The following NRG1 variants were observed in gnomAD, a reference collection of about 807,000 sequenced individuals.
The protein encoded by NRG1 is neuregulin 1.
NRG1 carries 18 observed loss-of-function variants against 63.8 expected under a neutral mutation model. The observed-to-expected ratio is 0.28, with a 90% CI of 0.19 to 0.42. The LOEUF (loss-of-function observed/expected upper bound fraction) is 0.42, where lower values mean the gene tolerates loss of function less well. Ranked by LOEUF, NRG1 falls within the 10% of genes least tolerant of loss-of-function variation. NRG1 has a pLI of 1.00. For missense variants in NRG1, 762 were observed against 814.7 expected, an observed-to-expected ratio of 0.94 and a Z score of 0.79; for synonymous variants, 302 against 301.3, an observed-to-expected ratio of 1.00 and a Z score of -0.02.
chr8:32,030,784 G>C (rs1227995414), intron 1 of NRG1, among the ~76,000 whole-genome samples: 1 of 152,150 alleles, frequency 6.6e-6, no homozygotes, highest in Non-Finnish European at 1.5e-5. Context: ...TTTCAGATTA[G>C]AAGCATGGAG....
At chr8:31,951,749 C>A (rs1039209230) in intron 1 of NRG1, among the ~76,000 whole-genome samples, 1 of 152,084 alleles carries the variant, frequency 6.6e-6, no homozygotes, top group Non-Finnish European at 1.5e-5. Flanking sequence ...GTTTTCCTTG[C>A]CATCGAAGTT....
rs548836642 is a variant in NRG1, at chr8:32,410,937, G to A, written c.38-184891G>A. Among the ~76,000 whole-genome samples the A allele has an allele frequency of 1.3e-3, 194 of 150,278 alleles. 1 individual carries two copies. Among genetic ancestry groups the A allele is most frequent in the African/African-American group, 1.7e-3 (70 of 40,784 alleles). ...TGTTGCCAGGCTGGAGTGCAGTGGC[G>A]CAATCTCGGTTCACTGCAACCTCCA... On this transcript the variant is annotated intron_variant, in intron 1 of 10. Coordinates refer to the NRG1 transcript ENST00000519301.
At chr8:32,643,622 C>A (rs189332657) in intron 5 of NRG1, among the ~76,000 whole-genome samples, 1 of 152,112 alleles carries the variant, frequency 6.6e-6, no homozygotes. Flanking sequence ...AATAAAATGG[C>A]GGTTGTTGTA....
At chr8:32,739,309 G>A (rs564693526) in intron 6 of NRG1, among the ~76,000 whole-genome samples, 117 of 152,096 alleles carry the variant, frequency 7.7e-4, no homozygotes, top group Middle Eastern at 3.4e-3. Context: ...TGTGGCCTGC[G>A]TTTACACTAG....
intron 1 of NRG1, among the ~76,000 whole-genome samples, chr8:32,452,001 A>G (rs780650963): frequency 4.0e-5 from 6 of 151,868 alleles, no homozygotes; most frequent in Non-Finnish European, 8.8e-5. Flanking sequence ...ACTTTTTTGT[A>G]TTTTTTGGTA....
chr8:32,366,673 G>GTATATATATA (rs1270263657), intron 1 of NRG1, among the ~76,000 whole-genome samples: 13 of 42,966 alleles, frequency 3.0e-4, no homozygotes, highest in South Asian at 9.3e-4. Flanking sequence ...GTGTGTGTGT[G>GTATATATATA]TGTGTATATA....
At chr8:31,958,657 G>A (rs996083386) in intron 1 of NRG1, among the ~76,000 whole-genome samples, 1 of 152,190 alleles carries the variant, frequency 6.6e-6, no homozygotes, top group Admixed American at 6.5e-5. Context: ...AGAAGTCTTT[G>A]CAGAAGAGGG....
intron 1 of NRG1, among the ~76,000 whole-genome samples, chr8:32,316,046 T>C (rs1441001056): frequency 1.3e-5 from 2 of 149,498 alleles, no homozygotes; most frequent in Non-Finnish European, 2.9e-5. Flanking sequence ...AAATACATGA[T>C]ATCTGAGGAC....
At chr8:31,944,525 A>G (rs1019144734) in intron 1 of NRG1, among the ~76,000 whole-genome samples, 3 of 152,224 alleles carry the variant, frequency 2.0e-5, no homozygotes, top group Admixed American at 6.5e-5. Context: ...ACTCTGTCTC[A>G]TAACTTCTTT....
intron 1 of NRG1, among the ~76,000 whole-genome samples, chr8:32,423,728 C>G (rs896055081): frequency 6.6e-6 from 1 of 152,200 alleles, no homozygotes; most frequent in East Asian, 1.9e-4. Context: ...AACCCACATA[C>G]ACACAGACAC....
chr8:31,660,388 G>A (rs1311996891), intron 1 of NRG1, among the ~76,000 whole-genome samples: 1 of 152,178 alleles, frequency 6.6e-6, no homozygotes, highest in African/African-American at 2.4e-5. Flanking sequence ...GAAATCTCTA[G>A]GGAAGATACT....
intron 1 of NRG1, among the ~76,000 whole-genome samples, chr8:31,690,007 G>A (rs1218155466): frequency 1.3e-5 from 2 of 152,178 alleles, no homozygotes; most frequent in East Asian, 1.9e-4. Flanking sequence ...CCCACGTGTC[G>A]TGGGAGGGAC....
chr8:32,052,731 C>A (rs887570797), intron 1 of NRG1, among the ~76,000 whole-genome samples: 1 of 152,100 alleles, frequency 6.6e-6, no homozygotes, highest in African/African-American at 2.4e-5. Context: ...AGAGTGCTAG[C>A]TGTAATGGGT....
intron 2 of NRG1, among the ~76,000 whole-genome samples, chr8:32,604,192 C>T (rs1458903190): frequency 6.6e-6 from 1 of 152,000 alleles, no homozygotes; most frequent in Non-Finnish European, 1.5e-5. Context: ...CCTGACATGG[C>T]CCTGGAAGGT....
chr8:31,706,125 T>C (rs1178174460), intron 1 of NRG1, among the ~76,000 whole-genome samples: 1 of 152,208 alleles, frequency 6.6e-6, no homozygotes, highest in Non-Finnish European at 1.5e-5. Flanking sequence ...AATGAGTACA[T>C]AGTAAGAGAT....
chr8:32,317,442 GGAA>G (rs1025802312), intron 1 of NRG1, among the ~76,000 whole-genome samples: 4 of 152,162 alleles, frequency 2.6e-5, no homozygotes, highest in Non-Finnish European at 5.9e-5. Flanking sequence ...ACAAAGCCGA[GGAA>G]GAAGAATTTT....
At position 32,242,188 on chromosome 8, in the gene NRG1, C is replaced by T. The variant is rs147994471; in HGVS notation, c.38-353640C>T. 1.5e-4 allele frequency among the ~76,000 whole-genome samples: 23 copies of T among 152,164 alleles called. No individual in the cohort carries two copies. The East Asian group carries it at 2.1e-3, about 14-fold the overall frequency. On this transcript the variant is annotated intron_variant, in intron 1 of 10. Transcript: ENST00000519301. Reference sequence around the variant, plus strand: ...TTTATTGGGAGAATTAATAAGAACACGCCTAGGCCAGGCACAATGGCTCAT... The same window carrying T: ...TTTATTGGGAGAATTAATAAGAACATGCCTAGGCCAGGCACAATGGCTCAT...
chr8:31,867,198 G>A (rs1829038233), intron 1 of NRG1, among the ~76,000 whole-genome samples: 1 of 152,252 alleles, frequency 6.6e-6, no homozygotes, highest in African/African-American at 2.4e-5. Flanking sequence ...CTGCCTGGGG[G>A]AAAAGATTGC....
At chr8:32,476,641 A>C (rs939405139) in intron 1 of NRG1, among the ~76,000 whole-genome samples, 1 of 152,190 alleles carries the variant, frequency 6.6e-6, no homozygotes, top group African/African-American at 2.4e-5. Context: ...TCTTTTTGGC[A>C]ACTCATGAGA....
Sources: allele counts gnomAD v4.1 joint callset (sites outside exome capture counted in the v4.1 genomes callset), GRCh38; gene constraint gnomAD v4.1.1; transcripts MANE v1.5; gene names NCBI Gene and HGNC (gene_info 2026-07-23, HGNC 2026-07-21).